The following ALK variants were observed in gnomAD, a reference collection of about 807,000 sequenced individuals.
ALK encodes ALK receptor tyrosine kinase, also known as ALK tyrosine kinase receptor.
ALK carries 74 observed loss-of-function variants against 163.1 expected under a neutral mutation model. The ratio of observed to expected loss-of-function variants is 0.45; its 90% confidence interval spans 0.38 to 0.55. The LOEUF (loss-of-function observed/expected upper bound fraction) is 0.55. Ranked by LOEUF, ALK falls within the 20% of genes least tolerant of loss-of-function variation. The pLI is 0.00. For synonymous variants in ALK, 960 were observed against 843.2 expected (o/e 1.14, Z -2.40); for missense variants, 2,063 against 2,105.3 (o/e 0.98, Z 0.39).
intron 11 of ALK, among the ~76,000 whole-genome samples, chr2:29,261,388 TA>T (rs371606898): frequency 0.026 from 3,812 of 146,102 alleles, 176 homozygotes; most frequent in African/African-American, 0.087. Context: ...TTGGAAAGAT[TA>T]AAAAAAAAAA....
At chr2:29,602,944 A>ACAT (rs1675419290) in intron 3 of ALK, among the ~76,000 whole-genome samples, 1 of 152,240 alleles carries the variant, frequency 6.6e-6, no homozygotes, top group African/African-American at 2.4e-5. Context: ...GGGACATAAG[A>ACAT]CATCAATCAA....
intron 1 of ALK, among the ~76,000 whole-genome samples, chr2:29,730,508 A>G (rs1482309391): frequency 1.3e-5 from 2 of 152,174 alleles, no homozygotes; most frequent in Non-Finnish European, 2.9e-5. Context: ...TCTGTGGCCA[A>G]TGACACACCC....
chr2:29,215,701 GCGTA>G (rs528056148), intron 23 of ALK, among the ~76,000 whole-genome samples: 1,359 of 20,698 alleles, frequency 0.066, 17 homozygotes, highest in Middle Eastern at 0.071. Context: ...GGGGGTTGGA[GCGTA>G]TGTATGTGAC....
At chr2:29,811,463 G>A (rs983499989) in intron 1 of ALK, among the ~76,000 whole-genome samples, 1 of 152,174 alleles carries the variant, frequency 6.6e-6, no homozygotes, top group Non-Finnish European at 1.5e-5. Flanking sequence ...TAGATCAAAT[G>A]TAATAGTCCT....
At chr2:29,205,291 T>G (rs1194886625) in intron 26 of ALK, among the ~76,000 whole-genome samples, 1 of 152,230 alleles carries the variant, frequency 6.6e-6, no homozygotes, top group Non-Finnish European at 1.5e-5. Context: ...TTCTTGGCTG[T>G]CTGTTCATAT....
chr2:29,677,802 A>G (rs1677930621), intron 3 of ALK, among the ~76,000 whole-genome samples: 1 of 152,088 alleles, frequency 6.6e-6, no homozygotes, highest in Non-Finnish European at 1.5e-5. Flanking sequence ...GTGGCCTCAT[A>G]GAATGAGTTG....
intron 3 of ALK, among the ~76,000 whole-genome samples, chr2:29,599,216 C>T (rs1365524217): frequency 1.3e-5 from 2 of 151,536 alleles, no homozygotes; most frequent in Non-Finnish European, 2.9e-5. Flanking sequence ...TACACTCTGT[C>T]CTAGAGGAGT....
intron 11 of ALK, among the ~76,000 whole-genome samples, chr2:29,265,713 C>T (rs113429283): frequency 0.012 from 1,764 of 152,188 alleles, 29 homozygotes; most frequent in African/African-American, 0.04. Context: ...CAGAGCTGGG[C>T]GTGGTGGCTC....
At chr2:29,698,161 T>C (rs1428482401) in intron 2 of ALK, among the ~76,000 whole-genome samples, 3 of 152,164 alleles carry the variant, frequency 2.0e-5, no homozygotes, top group African/African-American at 4.8e-5. Flanking sequence ...TTTGTTTGAG[T>C]TGATAAGCCA....
chr2:29,344,567 C>A (rs1667892478), intron 5 of ALK, among the ~76,000 whole-genome samples: 1 of 152,222 alleles, frequency 6.6e-6, no homozygotes, highest in Admixed American at 6.5e-5. Context: ...GACATGCAAG[C>A]AAAGCCATCC....
At chr2:29,706,754 T>C (rs756656383) in intron 2 of ALK, among the ~76,000 whole-genome samples, 1 of 152,164 alleles carries the variant, frequency 6.6e-6, no homozygotes, top group Non-Finnish European at 1.5e-5. Flanking sequence ...AGGACTCTGC[T>C]CTTAATCATA....
chr2:29,674,535 A>G (rs1197940299), intron 3 of ALK, among the ~76,000 whole-genome samples: 1 of 150,226 alleles, frequency 6.7e-6, no homozygotes, highest in Non-Finnish European at 1.5e-5. Context: ...CCATTTGATC[A>G]TGGTGGATAA....
At chr2:29,812,274 C>T (rs144807364) in intron 1 of ALK, among the ~76,000 whole-genome samples, 1 of 152,280 alleles carries the variant, frequency 6.6e-6, no homozygotes, top group East Asian at 1.9e-4. Flanking sequence ...TGTTTAACAA[C>T]CAGCTTTGGG....
chr2:29,247,514 G>A (rs1204467642), intron 12 of ALK, among the ~76,000 whole-genome samples: 2 of 152,240 alleles, frequency 1.3e-5, no homozygotes, highest in Non-Finnish European at 2.9e-5. Flanking sequence ...CCCCATGCCA[G>A]CCTGCTGTCT....
intron 3 of ALK, among the ~76,000 whole-genome samples, chr2:29,625,295 A>G (rs1312955628): frequency 3.3e-5 from 5 of 152,240 alleles, no homozygotes; most frequent in Non-Finnish European, 7.3e-5. Flanking sequence ...CAACTTCCAA[A>G]TTAATTCTGT....
intron 3 of ALK, among the ~76,000 whole-genome samples, chr2:29,553,769 A>G (rs1573451423): frequency 6.6e-6 from 1 of 152,208 alleles, no homozygotes; most frequent in Middle Eastern, 3.4e-3. Context: ...TGGGAATTAT[A>G]TTTGTTGTTT....
intron 3 of ALK, among the ~76,000 whole-genome samples, chr2:29,583,507 T>G (rs370739120): frequency 2.2e-5 from 3 of 134,730 alleles, no homozygotes; most frequent in Non-Finnish European, 3.5e-5. Flanking sequence ...AAGAACACAA[T>G]AGATGCATCC....
intron 3 of ALK, among the ~76,000 whole-genome samples, chr2:29,628,640 T>A (rs1435574839): frequency 6.6e-6 from 1 of 152,206 alleles, no homozygotes; most frequent in Non-Finnish European, 1.5e-5. Flanking sequence ...GAATTCTCTT[T>A]AAAATGCTTG....
At chr2:29,894,864 A>G (rs929062338) in intron 1 of ALK, among the ~76,000 whole-genome samples, 11 of 148,250 alleles carry the variant, frequency 7.4e-5, no homozygotes, top group Non-Finnish European at 1.5e-4. Context: ...ACACACACAC[A>G]CACACACACA....
Sources: gnomAD v4.1 joint callset for allele counts (sites outside exome capture counted in the v4.1 genomes callset) on GRCh38, gnomAD v4.1.1 for gene constraint, MANE v1.5 for transcripts, NCBI Gene and HGNC (gene_info 2026-07-23, HGNC 2026-07-21) for gene names.